Variants in KATNIP observed in about 807,000 individuals in gnomAD.
The protein encoded by KATNIP is katanin-interacting protein.
A neutral mutation model predicts 174.0 loss-of-function variants in KATNIP; 126 were observed. The ratio of observed to expected loss-of-function variants is 0.72; its 90% CI spans 0.63 to 0.84. The LOEUF (loss-of-function observed/expected upper bound fraction) is 0.84. Ranked by LOEUF, KATNIP falls within the 40% of genes least tolerant of loss-of-function variation. The pLI is 0.00. For missense variants in KATNIP, 1,958 were observed against 2,109.7 expected (o/e 0.93, Z 1.41); for synonymous variants, 810 against 835.7 (o/e 0.97, Z 0.53).
At chr16:27,634,694 C>T (rs549145422) in intron 5 of KATNIP, among the ~76,000 whole-genome samples, 2 of 152,338 alleles carry the variant, frequency 1.3e-5, no homozygotes, top group East Asian at 3.9e-4. Flanking sequence ...CAACATCTAT[C>T]CCCCTCCTCT....
Position 27,766,455 on chromosome 16 carries a change from C to T in KATNIP, c.3956C>T (p.Pro1319Leu). The change falls in exon 20 of 28, where the codon CCC becomes CTC. Residue 1319 changes from proline (P) to leucine (L), a missense_variant. Pro to Leu is a moderately conservative substitution (Grantham distance 98). Transcript: ENST00000261588. ...GLRFWNYNKS[P>L]EDTYRGAKIV... ...CGCTTCTGGAACTACAATAAATCTC[C>T]CGAGGACACCTATCGCGGGGTAAGC... The T allele has an allele frequency of 6.2e-7, 1 of 1,613,250 alleles. No individual in the cohort carries two copies. The highest frequency in any genetic ancestry group is 8.5e-7 in the Non-Finnish European group (1 of 1,179,980).
intron 2 of KATNIP, chr16:27,574,338 T>C (rs1461785198): frequency 8.4e-6 from 2 of 237,372 alleles, no homozygotes; most frequent in African/African-American, 4.6e-5. Flanking sequence ...TTTCTGCAGT[T>C]CATGGCTGTG....
At chr16:27,640,134 A>G (rs1488007528) in intron 5 of KATNIP, among the ~76,000 whole-genome samples, 4 of 152,220 alleles carry the variant, frequency 2.6e-5, no homozygotes, top group African/African-American at 9.6e-5. Flanking sequence ...TGGGCCAGGT[A>G]TGAAATAAGC....
Position 27,708,336 on chromosome 16 carries a change from C to T in KATNIP, c.1390-369C>T, listed in dbSNP as rs79839566. On this transcript the variant is annotated intron_variant, in intron 12 of 27. Transcript: ENST00000261588. The stretch of plus-strand genomic sequence containing the variant: ...CCGTGCCCGGCCTTAGCACGTAACA[C>T]CTACTCAATTCAGCAGATGTCGTGA... 1,747 of 196,084 alleles carry T rather than the reference C, an allele frequency of 8.9e-3. 28 individuals are homozygous for T. Among genetic ancestry groups the T allele is most frequent in the African/African-American group, 0.038 (1,638 of 42,812 alleles). 12.1% of individuals were successfully genotyped at this position (196,084 alleles called of 1,614,324 possible).
At chr16:27,771,977 G>A (rs777288349) in intron 22 of KATNIP, among the ~76,000 whole-genome samples, 1 of 152,158 alleles carries the variant, frequency 6.6e-6, no homozygotes, top group Non-Finnish European at 1.5e-5. Flanking sequence ...AGGAGGTGAA[G>A]ATAGAAATAA....
intron 13 of KATNIP, among the ~76,000 whole-genome samples, chr16:27,711,110 T>C (rs1341530809): frequency 6.6e-6 from 1 of 152,132 alleles, no homozygotes; most frequent in Non-Finnish European, 1.5e-5. Flanking sequence ...GTCTTTTGAG[T>C]AGCTAGTGTA....
intron 2 of KATNIP, among the ~76,000 whole-genome samples, chr16:27,588,963 T>G (rs1350856172): frequency 1.4e-5 from 2 of 147,866 alleles, no homozygotes; most frequent in African/African-American, 2.5e-5. Context: ...CTCACCTCAC[T>G]GCAACCTCCG....
chr16:27,657,158 T>C (rs1367292531), intron 6 of KATNIP, among the ~76,000 whole-genome samples: 1 of 152,104 alleles, frequency 6.6e-6, no homozygotes, highest in Non-Finnish European at 1.5e-5. Context: ...TGGAGACACA[T>C]GCTGAAGTGT....
chr16:27,764,680 C>G (rs188192261), intron 19 of KATNIP, among the ~76,000 whole-genome samples: 252 of 152,294 alleles, frequency 1.7e-3, no homozygotes, highest in African/African-American at 5.2e-3. Context: ...GTGGAGTCTT[C>G]CTTTCACTGT....
At chr16:27,728,679 C>T (rs1277141815) in intron 14 of KATNIP, among the ~76,000 whole-genome samples, 1 of 152,228 alleles carries the variant, frequency 6.6e-6, no homozygotes, top group East Asian at 1.9e-4. Flanking sequence ...ATCCACTTGC[C>T]TCAGCCTCCC....
intron 6 of KATNIP, chr16:27,654,568 G>A (rs1315126602): frequency 1.5e-6 from 2 of 1,351,210 alleles, no homozygotes; most frequent in East Asian, 9.1e-5. Context: ...GGGACAGGAA[G>A]TTGTTTTTAC....
chr16:27,582,184 T>C (rs1469966014), intron 2 of KATNIP, among the ~76,000 whole-genome samples: 1 of 152,190 alleles, frequency 6.6e-6, no homozygotes, highest in Admixed American at 6.5e-5. Context: ...CTTCCTTCCC[T>C]TTTCTCCATT....
At chr16:27,756,405 T>G (rs1025405697) in intron 18 of KATNIP, among the ~76,000 whole-genome samples, 1 of 152,244 alleles carries the variant, frequency 6.6e-6, no homozygotes, top group Non-Finnish European at 1.5e-5. Context: ...CTTATCTCGC[T>G]GTAACACTCC....
chr16:27,577,643 G>A (rs549409159), intron 2 of KATNIP, among the ~76,000 whole-genome samples: 2 of 152,348 alleles, frequency 1.3e-5, no homozygotes, highest in South Asian at 4.1e-4. Flanking sequence ...AGTGAGCCGA[G>A]ATCGGGCCAC....
chr16:27,768,343 C>A (rs573024509), intron 20 of KATNIP, among the ~76,000 whole-genome samples: 1 of 152,122 alleles, frequency 6.6e-6, no homozygotes, highest in Non-Finnish European at 1.5e-5. Context: ...GAGGTCACCT[C>A]GAAGGGAATG....
chr16:27,561,250 T>A (rs1192755076), intron 1 of KATNIP, among the ~76,000 whole-genome samples: 1 of 151,996 alleles, frequency 6.6e-6, no homozygotes, highest in Non-Finnish European at 1.5e-5. Flanking sequence ...CTTGAACTCC[T>A]GATCTTAGAT....
In KATNIP at chr16:27,774,961, C is replaced by T. The variant is rs761709320; in HGVS notation, c.4326C>T (p.Pro1442=). ...TCTCCTCAGATATTGCGGCCTTCCC[C>T]GACAGCGTGAACTCCCTGGAGGGTG... ...PLSENNIAAF[P]DSVNSLEGVG... Residue 1442 remains proline (P), a synonymous_variant, in exon 24 of 28, where the codon CCC becomes CCT. Transcript: ENST00000261588. 8 of 1,613,786 alleles carry T rather than the reference C, an allele frequency of 5.0e-6. No homozygotes were observed. Among genetic ancestry groups the T allele is most frequent in the Non-Finnish European group, 5.1e-6 (6 of 1,179,940 alleles).
At chr16:27,596,971 C>T (rs1244216562) in intron 2 of KATNIP, among the ~76,000 whole-genome samples, 1 of 151,538 alleles carries the variant, frequency 6.6e-6, no homozygotes, top group Non-Finnish European at 1.5e-5. Context: ...TGCAGTGAGC[C>T]GAGATCACAC....
intron 14 of KATNIP, among the ~76,000 whole-genome samples, chr16:27,730,045 G>A (rs1280985077): frequency 3.3e-5 from 5 of 152,254 alleles, no homozygotes; most frequent in Non-Finnish European, 7.3e-5. Context: ...GCCCCTGCAA[G>A]CTCATGCCCA....
Sources: allele counts gnomAD v4.1 joint callset (sites outside exome capture counted in the v4.1 genomes callset), GRCh38; gene constraint gnomAD v4.1.1; transcripts MANE v1.5; gene names NCBI Gene and HGNC (gene_info 2026-07-23, HGNC 2026-07-21).